The following RPS6KA2 variants were observed in gnomAD, a reference collection of about 807,000 sequenced individuals.
RPS6KA2 encodes ribosomal protein S6 kinase A2, also known as ribosomal protein S6 kinase alpha-2.
RPS6KA2 carries 42 observed loss-of-function variants against 91.8 expected under a neutral mutation model. The observed-to-expected ratio is 0.46, with a 90% CI of 0.36 to 0.59. The LOEUF (loss-of-function observed/expected upper bound fraction) is 0.59, where lower values mean the gene tolerates loss of function less well. RPS6KA2 is among the 20% of genes least tolerant of loss of function. The probability of loss-of-function intolerance (pLI) is 0.00; values close to 1 mark genes in which losing one functional copy is unlikely to be tolerated. For synonymous variants in RPS6KA2, 414 were observed against 393.6 expected, an observed-to-expected ratio of 1.05 and a Z score of -0.61; for missense variants, 798 against 978.5, an observed-to-expected ratio of 0.82 and a Z score of 2.46.
intron 2 of RPS6KA2, chr6:166,771,007 A>C: frequency 2.0e-6 from 2 of 1,019,650 alleles, no homozygotes; most frequent in Non-Finnish European, 2.9e-6. Flanking sequence ...TACCATACTC[A>C]CCAGGCCTGT....
At chr6:166,560,777 G>A (rs1784320135) in intron 1 of RPS6KA2, among the ~76,000 whole-genome samples, 1 of 152,152 alleles carries the variant, frequency 6.6e-6, no homozygotes, top group South Asian at 2.1e-4. Flanking sequence ...TCCTACCCCT[G>A]AATCTGCACC....
chr6:166,769,092 C>G (rs1015439185), intron 2 of RPS6KA2, among the ~76,000 whole-genome samples: 3 of 152,196 alleles, frequency 2.0e-5, no homozygotes, highest in African/African-American at 7.2e-5. Context: ...CACCCACACC[C>G]TACCCTGGCC....
intron 12 of RPS6KA2, among the ~76,000 whole-genome samples, chr6:166,454,225 C>T (rs1583156717): frequency 1.3e-5 from 2 of 152,150 alleles, no homozygotes; most frequent in Admixed American, 6.5e-5. Context: ...ACAGGCTGGG[C>T]GCGGTGGATC....
At chr6:166,833,736 G>A (rs1253202760) in intron 2 of RPS6KA2, among the ~76,000 whole-genome samples, 2 of 152,202 alleles carry the variant, frequency 1.3e-5, no homozygotes, top group Non-Finnish European at 1.5e-5. Flanking sequence ...AAGTTTAGAC[G>A]CAGAACACAA....
At chr6:166,734,559 A>G (rs776462857) in intron 2 of RPS6KA2, among the ~76,000 whole-genome samples, 13 of 152,176 alleles carry the variant, frequency 8.5e-5, no homozygotes, top group Non-Finnish European at 1.6e-4. Flanking sequence ...CATTTCTTTC[A>G]TGTCCCAATT....
rs201949468 is a variant in RPS6KA2, at chr6:166,648,096, T to C, written c.124-109312A>G. On this transcript the variant is annotated intron_variant, in intron 2 of 21. Coordinates refer to the RPS6KA2 transcript ENST00000503859. This position sits in a 1 kb window ranked among gnomAD's most constrained non-coding sequence, Gnocchi z 4.8. ...CACGCACATGGTCATACACACACGCTCATACACACACGTGCACACACACGC... is the reference window on the plus strand; with the variant it reads ...CACGCACATGGTCATACACACACGCCCATACACACACGTGCACACACACGC... Among the ~76,000 whole-genome samples the C allele has an allele frequency of 3.7e-5, 4 of 107,310 alleles. No individual in the cohort carries two copies. Among genetic ancestry groups the C allele is most frequent in the Non-Finnish European group, 7.8e-5 (4 of 51,276 alleles). The allele number at this position is 107,310 out of a possible 152,430, so 70.4% of individuals were successfully genotyped here.
chr6:166,553,555 T>C (rs1784084950), intron 1 of RPS6KA2, among the ~76,000 whole-genome samples: 1 of 148,196 alleles, frequency 6.7e-6, no homozygotes, highest in Non-Finnish European at 1.5e-5. Flanking sequence ...TGTTCCCAAG[T>C]AGCAAACTGA....
At chr6:166,466,469 A>G (rs892606319) in intron 11 of RPS6KA2, among the ~76,000 whole-genome samples, 1 of 152,226 alleles carries the variant, frequency 6.6e-6, no homozygotes, top group Non-Finnish European at 1.5e-5. Context: ...TCTGTGTTGC[A>G]CTGTGTCACC....
chr6:166,699,766 CTCTA>C (rs1396013131), intron 2 of RPS6KA2, among the ~76,000 whole-genome samples: 1 of 152,170 alleles, frequency 6.6e-6, no homozygotes, highest in African/African-American at 2.4e-5. Context: ...GTCTTGTATT[CTCTA>C]TCTTTTGACT....
intron 8 of RPS6KA2, among the ~76,000 whole-genome samples, chr6:166,492,089 A>G (rs3817778): frequency 0.31 from 47,228 of 151,982 alleles, 7,855 homozygotes; most frequent in East Asian, 0.59. Flanking sequence ...GTGAAATTAT[A>G]ATCTTAAAGA....
At chr6:166,647,106 G>A (rs1401332191) in intron 2 of RPS6KA2, among the ~76,000 whole-genome samples, 2 of 152,000 alleles carry the variant, frequency 1.3e-5, no homozygotes, top group East Asian at 3.9e-4. Flanking sequence ...GCCAGAAATC[G>A]TTCTGAGTCA....
intron 1 of RPS6KA2, among the ~76,000 whole-genome samples, chr6:166,583,367 C>T (rs1015624555): frequency 2.6e-5 from 4 of 152,176 alleles, no homozygotes; most frequent in African/African-American, 9.7e-5. Flanking sequence ...TCTGCGGAAA[C>T]GGCTCCCTCC....
intron 2 of RPS6KA2, chr6:166,702,955 A>T (rs1789570206): frequency 1.7e-6 from 1 of 587,696 alleles, no homozygotes; most frequent in Non-Finnish European, 3.0e-6. Context: ...TTTAAAATAC[A>T]CAAACACAGT....
At chr6:166,786,726 G>A (rs1464053199) in intron 2 of RPS6KA2, among the ~76,000 whole-genome samples, 1 of 152,140 alleles carries the variant, frequency 6.6e-6, no homozygotes, top group African/African-American at 2.4e-5. Context: ...TAGCAAAAGT[G>A]AAGAAAACTG....
intron 2 of RPS6KA2, among the ~76,000 whole-genome samples, chr6:166,855,456 A>AGAAGAGGAAGAG (rs1222079978): frequency 8.5e-6 from 1 of 117,464 alleles, no homozygotes; most frequent in African/African-American, 2.6e-5. Flanking sequence ...AAGAGGAAGA[A>AGAAGAGGAAGAG]GAAGAGGAAG....
chr6:166,703,393 G>A (rs1042657635), intron 2 of RPS6KA2, among the ~76,000 whole-genome samples: 4 of 152,212 alleles, frequency 2.6e-5, no homozygotes, highest in African/African-American at 9.7e-5. Flanking sequence ...CCTACACGGG[G>A]TTCAATTAAC....
At chr6:166,744,634 A>G (rs1335925715) in intron 2 of RPS6KA2, among the ~76,000 whole-genome samples, 2 of 152,114 alleles carry the variant, frequency 1.3e-5, no homozygotes, top group African/African-American at 4.8e-5. Context: ...GACACCCCCG[A>G]GGGTCCTCCC....
chr6:166,748,231 G>A (rs940799535), intron 2 of RPS6KA2, among the ~76,000 whole-genome samples: 1 of 152,176 alleles, frequency 6.6e-6, no homozygotes, highest in Non-Finnish European at 1.5e-5. Flanking sequence ...TCTTCAGGAG[G>A]GCGGGATGAG....
rs1213755095 is a variant in RPS6KA2, at chr6:166,756,972, C to T, written c.123+101228G>A. Among the ~76,000 whole-genome samples the T allele has an allele frequency of 3.3e-5, 5 of 152,250 alleles. No homozygotes were observed. In the East Asian group the frequency reaches 5.8e-4, roughly 18 times the overall value. ...GATGATGAAAACGTCGCGGAGATGG[C>T]GGTGGTGGTGGCTGCCCAATGTGAA... On this transcript the variant is annotated intron_variant, in intron 2 of 21. Coordinates refer to the RPS6KA2 transcript ENST00000503859.
Sources: allele counts gnomAD v4.1 joint callset (sites outside exome capture counted in the v4.1 genomes callset), GRCh38; gene constraint gnomAD v4.1.1; non-coding constraint Gnocchi (gnomAD v3.1); transcripts MANE v1.5; gene names NCBI Gene and HGNC (gene_info 2026-07-23, HGNC 2026-07-21).